Variants in NR2C2 observed in about 807,000 individuals in gnomAD.
The protein encoded by NR2C2 is nuclear receptor subfamily 2 group C member 2.
A neutral mutation model predicts 62.9 loss-of-function variants in NR2C2; 6 were observed. The ratio of observed to expected loss-of-function variants is 0.10; its 90% CI spans 0.05 to 0.19. NR2C2 has a LOEUF of 0.19. Ranked by LOEUF, NR2C2 falls within the 10% of genes least tolerant of loss-of-function variation. NR2C2 has a pLI of 1.00. For synonymous variants in NR2C2, 272 were observed against 273.8 expected, an observed-to-expected ratio of 0.99 and a Z score of 0.07; for missense variants, 479 against 762.7, an observed-to-expected ratio of 0.63 and a Z score of 4.38.
chr3:14,952,374 G>C (rs1489433482), intron 1 of NR2C2, among the ~76,000 whole-genome samples: 1 of 152,124 alleles, frequency 6.6e-6, no homozygotes, highest in Non-Finnish European at 1.5e-5. Flanking sequence ...CCCTCCGTTG[G>C]GATTTTTATT....
intron 1 of NR2C2, among the ~76,000 whole-genome samples, chr3:14,990,776 A>G (rs1270489343): frequency 6.6e-6 from 1 of 152,322 alleles, no homozygotes; most frequent in Non-Finnish European, 1.5e-5. Flanking sequence ...TTGTAATGCA[A>G]TGTATTTCAG....
In NR2C2 at chr3:15,042,746, A is replaced by G; in HGVS notation, c.1617-88A>G. 4 of 1,196,960 alleles carry G rather than the reference A, an allele frequency of 3.3e-6. No individual in the cohort carries two copies. In the South Asian group the frequency reaches 5.8e-5, roughly 17 times the overall value. The allele number at this position is 1,196,960 out of a possible 1,614,324, so 74.1% of individuals were successfully genotyped here. On this transcript the variant is annotated intron_variant, in intron 13 of 13. Transcript: ENST00000425241. The stretch of plus-strand genomic sequence containing the variant: ...GGATCCGTTTGGTTTGATTCTGTGC[A>G]ATACAGACGGGACCCCAGGAGCCTT...
At chr3:14,952,555 T>C (rs2039398168) in intron 1 of NR2C2, among the ~76,000 whole-genome samples, 1 of 152,246 alleles carries the variant, frequency 6.6e-6, no homozygotes, top group African/African-American at 2.4e-5. Context: ...GATCCCCTGC[T>C]AGATTTTCGT....
intron 7 of NR2C2, among the ~76,000 whole-genome samples, chr3:15,024,901 C>T (rs182702965): frequency 2.1e-4 from 32 of 152,350 alleles, no homozygotes; most frequent in African/African-American, 7.5e-4. Context: ...GGCCTGCAGG[C>T]TTCCTCCTCA....
chr3:14,962,750 C>T (rs1259097384), intron 1 of NR2C2, among the ~76,000 whole-genome samples: 5 of 146,120 alleles, frequency 3.4e-5, no homozygotes, highest in Non-Finnish European at 7.4e-5. Flanking sequence ...CTAGTAGAAT[C>T]TGATTATTAT....
chr3:14,966,050 A>C (rs2039844280), intron 1 of NR2C2, among the ~76,000 whole-genome samples: 1 of 152,198 alleles, frequency 6.6e-6, no homozygotes, highest in Non-Finnish European at 1.5e-5. Context: ...GCATATAATA[A>C]CTATATATAA....
chr3:15,020,686 G>C, intron 4 of NR2C2, 67 bp from the exon 5 acceptor site: 2 of 1,558,118 alleles, frequency 1.3e-6, no homozygotes, highest in East Asian at 2.2e-5. Flanking sequence ...GGAACTGACA[G>C]ATCACCTCTT....
intron 1 of NR2C2, among the ~76,000 whole-genome samples, chr3:15,001,442 C>A (rs1019134078): frequency 1.4e-5 from 2 of 145,902 alleles, no homozygotes; most frequent in African/African-American, 5.0e-5. Context: ...TCAAGCAATT[C>A]TCCTGTCTCA....
At chr3:15,011,726 G>T (rs1355848446) in intron 2 of NR2C2, among the ~76,000 whole-genome samples, 2 of 152,130 alleles carry the variant, frequency 1.3e-5, no homozygotes, top group Admixed American at 1.3e-4. Context: ...TTCATTCTTG[G>T]ATCTGTCATC....
chr3:14,951,231 T>C (rs1574914266), intron 1 of NR2C2, among the ~76,000 whole-genome samples: 1 of 152,218 alleles, frequency 6.6e-6, no homozygotes, highest in South Asian at 2.1e-4. Context: ...CACAGGGAAT[T>C]GGGAGTTGAA....
rs2040789889 is a variant in NR2C2 at position 14,995,046 on chromosome 3, T to C, written c.-39-8830T>C. ...CCCAGGCTGGAGTGAATTTGCACAA[T>C]CATAGCTCACTGCAGCCTTGACCCT... On this transcript the variant is annotated intron_variant, in intron 1 of 13. Transcript: ENST00000425241. Among the ~76,000 whole-genome samples the C allele has an allele frequency of 3.7e-5, 5 of 136,478 alleles. No homozygotes were observed. The South Asian group carries it at 1.3e-3, about 34-fold the overall frequency. The allele number at this position is 136,478 out of a possible 152,430, so 89.5% of individuals were successfully genotyped here. A position where few individuals can be genotyped will look rare whatever the true frequency, so the allele number is the denominator to read the frequency against.
chr3:15,033,080 G>A (rs1470767814), intron 10 of NR2C2, among the ~76,000 whole-genome samples: 2 of 152,244 alleles, frequency 1.3e-5, no homozygotes, highest in East Asian at 3.9e-4. Flanking sequence ...CTGCCACCGT[G>A]CCATCAGGTG....
intron 1 of NR2C2, among the ~76,000 whole-genome samples, chr3:14,955,918 G>A (rs931954973): frequency 6.6e-6 from 1 of 152,162 alleles, no homozygotes; most frequent in Non-Finnish European, 1.5e-5. Context: ...TTATGTGAAA[G>A]CCACTTCTCT....
At chr3:15,013,475 TAGAC>T (rs1418933147) in intron 2 of NR2C2, 110 bp from the exon 3 acceptor site, 5 of 818,128 alleles carry the variant, frequency 6.1e-6, no homozygotes, top group Non-Finnish European at 6.1e-6. Context: ...AAATGCATGT[TAGAC>T]AGCATTAATT....
In NR2C2 at chr3:15,038,152, G is replaced by A. The variant is rs749204724; in HGVS notation, c.1510+15G>A. 3.4e-5 allele frequency: 55 copies of A among 1,600,334 alleles called. No homozygotes were observed. Among genetic ancestry groups the A allele is most frequent in the Non-Finnish European group, 4.6e-5 (54 of 1,172,576 alleles). On this transcript the variant is annotated intron_variant, in intron 12 of 13. Transcript: ENST00000425241. ...CTTTAGCCCCGGTAAGATATGCGGT[G>A]GGGATGCATGACCCCTTTCCACCTG...
At chr3:15,013,542 G>T in intron 2 of NR2C2, 47 bp from the exon 3 acceptor site, 1 of 1,562,704 alleles carries the variant, frequency 6.4e-7, no homozygotes, top group East Asian at 2.3e-5. Context: ...CAAATGCATG[G>T]GTCTTGTGAC....
intron 1 of NR2C2, among the ~76,000 whole-genome samples, chr3:15,000,476 A>C (rs2040958048): frequency 1.3e-5 from 2 of 152,250 alleles, no homozygotes; most frequent in African/African-American, 4.8e-5. Context: ...TGCAGAGAAC[A>C]TGGGAGTGCA....
rs559482210 is a variant in NR2C2 at position 15,000,477 on chromosome 3, T to C, written c.-39-3399T>C. ...ATTGCAAACAGTGCTGCAGAGAACA[T>C]GGGAGTGCAGACATCTCTTCAACAA... On this transcript the variant is annotated intron_variant, in intron 1 of 13. Coordinates refer to ENST00000425241, the MANE Select transcript of NR2C2 (RefSeq NM_001291694.2). 4.0e-4 allele frequency among the ~76,000 whole-genome samples: 61 copies of C among 152,370 alleles called. No homozygotes were observed. The South Asian group carries it at 0.012, about 30-fold the overall frequency.
chr3:15,038,381 C>T, intron 12 of NR2C2: 1 of 342,382 alleles, frequency 2.9e-6, no homozygotes. Context: ...TAATCTGTGT[C>T]CTAATTAAAC....
Sources: gnomAD v4.1 joint callset for allele counts (sites outside exome capture counted in the v4.1 genomes callset) on GRCh38, gnomAD v4.1.1 for gene constraint, MANE v1.5 for transcripts, NCBI Gene and HGNC (gene_info 2026-07-23, HGNC 2026-07-21) for gene names.